Variants in COG6 observed in about 807,000 individuals in gnomAD.
The protein encoded by COG6 is component of oligomeric golgi complex 6, also known as conserved oligomeric Golgi complex subunit 6.
In COG6, 74 loss-of-function variants were observed where a neutral mutation model predicts 88.8. The observed-to-expected ratio is 0.83, with a 90% confidence interval of 0.69 to 1.01. The LOEUF is 1.01. COG6 is among the 50% of genes least tolerant of loss of function. The pLI, the probability that COG6 is intolerant of heterozygous loss-of-function variation, is 0.00. For synonymous variants in COG6, 286 were observed against 278.7 expected (o/e 1.03, Z -0.26); for missense variants, 800 against 797.9 (o/e 1.00, Z -0.03).
intron 11 of COG6, among the ~76,000 whole-genome samples, chr13:39,692,003 A>G (rs1877005889): frequency 6.6e-6 from 1 of 152,012 alleles, no homozygotes; most frequent in African/African-American, 2.4e-5. Context: ...AATGGGAGAT[A>G]ATCCTTGAGA....
chr13:39,780,134 T>G (rs1881587783), intron 18 of COG6, among the ~76,000 whole-genome samples: 1 of 152,180 alleles, frequency 6.6e-6, no homozygotes, highest in South Asian at 2.1e-4. Context: ...GACTTACAAA[T>G]GCATTGAGTT....
intron 18 of COG6, among the ~76,000 whole-genome samples, chr13:39,734,140 A>G (rs555532087): frequency 6.6e-6 from 1 of 151,930 alleles, no homozygotes; most frequent in Admixed American, 6.6e-5. Flanking sequence ...TTCTTCTACT[A>G]ATTTTGGGTT....
intron 13 of COG6, among the ~76,000 whole-genome samples, chr13:39,710,681 T>G (rs900236727): frequency 2.0e-5 from 3 of 152,182 alleles, no homozygotes; most frequent in African/African-American, 7.2e-5. Flanking sequence ...GTTGATCTGA[T>G]TAATTGGATA....
intron 18 of COG6, among the ~76,000 whole-genome samples, chr13:39,761,962 T>C (rs1593479443): frequency 6.6e-6 from 1 of 151,848 alleles, no homozygotes; most frequent in Non-Finnish European, 1.5e-5. Flanking sequence ...GAGATTCCTC[T>C]AAAAACTAAA....
intron 8 of COG6, among the ~76,000 whole-genome samples, chr13:39,685,774 A>G (rs957463054): frequency 3.7e-4 from 56 of 152,346 alleles, no homozygotes; most frequent in South Asian, 2.1e-4. Flanking sequence ...AAAAATAGCA[A>G]TGAGCATTTT....
At chr13:39,787,975 T>C (rs1355843825) in intron 18 of COG6, among the ~76,000 whole-genome samples, 3 of 152,200 alleles carry the variant, frequency 2.0e-5, no homozygotes, top group Admixed American at 2.0e-4. Flanking sequence ...CATTTTATTT[T>C]CATTTTAAAA....
At chr13:39,704,353 AATAAC>A (rs1275796506) in intron 13 of COG6, among the ~76,000 whole-genome samples, 1 of 152,194 alleles carries the variant, frequency 6.6e-6, no homozygotes, top group Non-Finnish European at 1.5e-5. Flanking sequence ...ATGCCTTGCT[AATAAC>A]ATAAGCAGTC....
rs12716677 is a variant in COG6, at chr13:39,677,714, A to T, written c.540+135A>T. ...ATATTTTTATGTTTGGAAATTTAAG[A>T]TGTGTATTTTAATTATATTTTTCAA... On this transcript the variant is annotated intron_variant, in intron 5 of 18. Transcript: ENST00000455146. 0.13 allele frequency: 76,264 copies of T among 575,932 alleles called. 5,496 individuals are homozygous for T. The highest frequency in any genetic ancestry group is 0.22 in the East Asian group (7,817 of 34,980). The allele number at this position is 575,932 out of a possible 1,614,324, so 35.7% of individuals were successfully genotyped here.
chr13:39,692,212 C>T (rs1417742835), intron 11 of COG6, among the ~76,000 whole-genome samples: 1 of 151,880 alleles, frequency 6.6e-6, no homozygotes, highest in Non-Finnish European at 1.5e-5. Flanking sequence ...TCATCAGCAT[C>T]AACCCTATTA....
chr13:39,755,397 G>A (rs188628862), downstream of COG6, among the ~76,000 whole-genome samples: 83 of 152,116 alleles, frequency 5.5e-4, no homozygotes, highest in African/African-American at 1.9e-3. Flanking sequence ...TAAAAAACCG[G>A]CCTTTATCTT....
At chr13:39,687,450 T>TA (rs1437059503) in intron 8 of COG6, 53 bp from the exon 9 acceptor site, 1 of 1,530,218 alleles carries the variant, frequency 6.5e-7, no homozygotes, top group Non-Finnish European at 9.1e-7. Context: ...AATAGTCTGA[T>TA]ATAGCCACTA....
Position 39,656,409 on chromosome 13 carries a change from A to G in COG6, c.153+530A>G, listed in dbSNP as rs182069063. On this transcript the variant is annotated intron_variant, in intron 1 of 18. Transcript: ENST00000455146. ...CTTTGCCCGTGGCTGAAATGAACTC[A>G]TATCTACTAGTTTTTGTTGAGCCAA... is the stretch of plus-strand genomic sequence containing the variant. The G allele has an allele frequency of 6.8e-5, 23 of 337,052 alleles. No homozygotes were observed. The East Asian group carries it at 1.7e-3, about 25-fold the overall frequency. 20.9% of individuals were successfully genotyped at this position (337,052 alleles called of 1,614,324 possible). A position where few individuals can be genotyped will look rare whatever the true frequency, so the allele number is the denominator to read the frequency against.
At chr13:39,721,085 T>G (rs1878825074) in intron 15 of COG6, among the ~76,000 whole-genome samples, 1 of 152,126 alleles carries the variant, frequency 6.6e-6, no homozygotes, top group Non-Finnish European at 1.5e-5. Flanking sequence ...CATTTTTATT[T>G]AAGAAATGTC....
Position 39,655,686 on chromosome 13 carries a change from G to T in COG6, c.-41G>T, listed in dbSNP as rs188328396. 1.4e-5 allele frequency: 22 copies of T among 1,554,794 alleles called. No homozygotes were observed. Among genetic ancestry groups the T allele is most frequent in the African/African-American group, 7.0e-5 (5 of 71,310 alleles). On this transcript the variant is annotated 5_prime_UTR_variant, in exon 1 of 19. Transcript: ENST00000455146. ...TACTCGCGCTGCCTCCGTGGTCCCT[G>T]CCTGGCTGAGGTGGCAGCAGGGGGC...
intron 13 of COG6, among the ~76,000 whole-genome samples, chr13:39,718,061 G>C (rs1878627687): frequency 1.3e-5 from 2 of 152,042 alleles, no homozygotes; most frequent in South Asian, 4.1e-4. Flanking sequence ...AAAATAGCTT[G>C]TTTAAAGTCT....
intron 18 of COG6, among the ~76,000 whole-genome samples, chr13:39,771,837 C>T (rs144862610): frequency 4.6e-5 from 7 of 152,372 alleles, no homozygotes; most frequent in Admixed American, 1.3e-4. Flanking sequence ...CCATTCAACA[C>T]CTTTTTCTAA....
Position 39,719,699 on chromosome 13 carries a change from A to G in COG6, c.1456A>G (p.Thr486Ala). The stretch of plus-strand genomic sequence containing the variant: ...CTTGGATCCTCTCCTACAGATGTGT[A>G]CTGTATCAGCCAGCAATTTAGGCAC... The part of the protein sequence containing the change: ...CVLDPLLQMC[T>A]VSASNLGTAD... The change falls in exon 15 of 19, where the codon ACT becomes GCT. Residue 486 changes from threonine (T) to alanine (A), a missense_variant. By Grantham distance (58) the Thr-to-Ala change is moderately conservative. Coordinates refer to ENST00000455146, the MANE Select transcript of COG6 (RefSeq NM_020751.3). The G allele has an allele frequency of 3.1e-6, 5 of 1,612,884 alleles. No homozygotes were observed. Among genetic ancestry groups the G allele is most frequent in the Non-Finnish European group, 4.2e-6 (5 of 1,179,154 alleles).
chr13:39,680,926 ATTTC>A (rs1274514238), intron 7 of COG6, among the ~76,000 whole-genome samples: 3 of 152,184 alleles, frequency 2.0e-5, no homozygotes, highest in African/African-American at 7.2e-5. Flanking sequence ...TACTGCCTTA[ATTTC>A]ATTTACAAAG....
intron 18 of COG6, among the ~76,000 whole-genome samples, chr13:39,744,718 G>C (rs576828009): frequency 1.1e-4 from 17 of 152,094 alleles, no homozygotes; most frequent in African/African-American, 3.1e-4. Flanking sequence ...CCCCATCAAG[G>C]TACCAATGAC....
Sources: allele counts gnomAD v4.1 joint callset (sites outside exome capture counted in the v4.1 genomes callset), GRCh38; gene constraint gnomAD v4.1.1; transcripts MANE v1.5; gene names NCBI Gene and HGNC (gene_info 2026-07-23, HGNC 2026-07-21).